CLVS2: variants seen among roughly 807,000 people sequenced by gnomAD.
CLVS2 encodes clavesin 2.
CLVS2 carries 19 observed loss-of-function variants against 29.0 expected under a neutral mutation model. The observed-to-expected ratio is 0.66, with a 90% CI of 0.46 to 0.96. CLVS2 has a LOEUF of 0.96. Among genes scored for constraint, CLVS2 ranks in the 40% least tolerant of loss-of-function variants. The probability of loss-of-function intolerance (pLI) is 0.00; values close to 1 mark genes in which losing one functional copy is unlikely to be tolerated. For missense variants in CLVS2, 294 were observed against 404.1 expected (o/e 0.73, Z 2.34); for synonymous variants, 161 against 151.3 (o/e 1.06, Z -0.47).
At chr6:123,040,273 T>A (rs552130108) in intron 3 of CLVS2, among the ~76,000 whole-genome samples, 2 of 152,336 alleles carry the variant, frequency 1.3e-5, no homozygotes, top group East Asian at 3.9e-4. Flanking sequence ...TTTTTCCCCA[T>A]AATAATTCCT....
intron 4 of CLVS2, among the ~76,000 whole-genome samples, chr6:123,051,935 G>A (rs1001284556): frequency 5.3e-5 from 8 of 152,090 alleles, no homozygotes; most frequent in African/African-American, 1.9e-4. Flanking sequence ...TCCAAAAGTA[G>A]AAACTTAACA....
At chr6:123,012,612 T>A (rs1562164215) in intron 3 of CLVS2, among the ~76,000 whole-genome samples, 1 of 152,008 alleles carries the variant, frequency 6.6e-6, no homozygotes, top group Non-Finnish European at 1.5e-5. Context: ...AATTTGGAGA[T>A]GTTTGGGAGC....
At chr6:123,051,999 G>A (rs1772618013) in intron 4 of CLVS2, among the ~76,000 whole-genome samples, 1 of 152,176 alleles carries the variant, frequency 6.6e-6, no homozygotes, top group Non-Finnish European at 1.5e-5. Context: ...CAATTCACAT[G>A]TAAGAGTTCT....
rs1021097674 is a variant in CLVS2 at position 123,063,852 on chromosome 6, A to G, written c.*91A>G. 2.4e-6 allele frequency: 2 copies of G among 832,594 alleles called. No homozygotes were observed. The highest frequency in any genetic ancestry group is 3.4e-5 in the African/African-American group (2 of 59,012). 51.6% of individuals were successfully genotyped at this position (832,594 alleles called of 1,614,324 possible). On this transcript the variant is annotated 3_prime_UTR_variant, in exon 6 of 6. Coordinates refer to ENST00000275162, the MANE Select transcript of CLVS2 (RefSeq NM_001010852.4). ...CACTGTAGAGGAATTACCAGCTGGA[A>G]ACCGACTTATTCATGTTAATGTAGC...
intron 3 of CLVS2, among the ~76,000 whole-genome samples, chr6:123,013,343 A>G (rs754330953): frequency 1.6e-4 from 24 of 152,080 alleles, no homozygotes; most frequent in Non-Finnish European, 2.5e-4. Context: ...CATCAACACC[A>G]CAACAGTAAT....
chr6:123,072,708 T>C lies in CLVS2; in HGVS notation c.*8947T>C, dbSNP rs929631426. The C allele has an allele frequency of 6.6e-6, 1 of 152,166 alleles. No individual in the cohort carries two copies. The highest frequency in any genetic ancestry group is 6.6e-5 in the Admixed American group (1 of 15,262). 9.4% of individuals were successfully genotyped at this position (152,166 alleles called of 1,614,324 possible). A position where few individuals can be genotyped will look rare whatever the true frequency, so the allele number is the denominator to read the frequency against. Reference sequence around the variant, plus strand: ...TGAATTTTCTTTTCATAATTTTTTATGATTGAATTCTAAGGGTATGTTCCT... The same window carrying C: ...TGAATTTTCTTTTCATAATTTTTTACGATTGAATTCTAAGGGTATGTTCCT... On this transcript the variant is annotated 3_prime_UTR_variant, in exon 6 of 6. Coordinates refer to ENST00000275162, the MANE Select transcript of CLVS2 (RefSeq NM_001010852.4).
chr6:123,006,465 G>T (rs1774670627), intron 2 of CLVS2, among the ~76,000 whole-genome samples: 1 of 152,114 alleles, frequency 6.6e-6, no homozygotes, highest in Admixed American at 6.6e-5. Flanking sequence ...GGAAGAGAAA[G>T]ATGGGAGAGA....
intron 2 of CLVS2, among the ~76,000 whole-genome samples, chr6:123,008,704 G>T (rs1450525389): frequency 6.0e-5 from 9 of 151,026 alleles, no homozygotes; most frequent in Admixed American, 1.3e-4. Flanking sequence ...TTTGGTGGGG[G>T]TCTGAATTTC....
intron 5 of CLVS2, 131 bp downstream of exon 5, chr6:123,056,157 T>C (rs1772690729): frequency 1.6e-6 from 1 of 640,142 alleles, no homozygotes; most frequent in Middle Eastern, 4.1e-4. Flanking sequence ...TGCCCTATGA[T>C]TGTATGTCTA....
rs182264051 is a variant in CLVS2, at chr6:123,047,448, T to A, written c.565-1174T>A. Among the ~76,000 whole-genome samples the A allele has an allele frequency of 8.1e-3, 1,227 of 152,246 alleles. 10 individuals carry two copies. The highest frequency in any genetic ancestry group is 0.011 in the Non-Finnish European group (743 of 68,012). On this transcript the variant is annotated intron_variant, in intron 3 of 5. Coordinates refer to ENST00000275162, the MANE Select transcript of CLVS2 (RefSeq NM_001010852.4). ...CTACTATTGCTTTATAGGGTATTAT[T>A]CTCAGAGGTAGAAGTTGCTTCGCAA...
intron 5 of CLVS2, among the ~76,000 whole-genome samples, chr6:123,058,623 C>T (rs1268623931): frequency 2.0e-5 from 3 of 152,038 alleles, no homozygotes; most frequent in Admixed American, 6.6e-5. Flanking sequence ...ATGAATCAGA[C>T]CATGTCACAT....
intron 5 of CLVS2, among the ~76,000 whole-genome samples, chr6:123,056,641 C>A (rs954955378): frequency 6.6e-6 from 1 of 152,108 alleles, no homozygotes. Context: ...AAATTGTATC[C>A]TGAGAAACCA....
At position 123,056,082 on chromosome 6, in the gene CLVS2, G is replaced by A. The variant is rs1447511704; in HGVS notation, c.896+56G>A. ...GGGCCAGGGCAGGGAGAGGCATCCT[G>A]AGTCAAACTCAAAGCTTTCTGTTTT... On this transcript the variant is annotated intron_variant, in intron 5 of 5. Transcript: ENST00000275162. The A allele has an allele frequency of 6.0e-6, 7 of 1,173,468 alleles. No homozygotes were observed. The East Asian group carries it at 1.7e-4, about 29-fold the overall frequency. The allele number at this position is 1,173,468 out of a possible 1,614,324, so 72.7% of individuals were successfully genotyped here.
At chr6:123,050,170 C>T (rs1436402048) in intron 4 of CLVS2, among the ~76,000 whole-genome samples, 2 of 152,060 alleles carry the variant, frequency 1.3e-5, no homozygotes, top group Non-Finnish European at 2.9e-5. Flanking sequence ...GTTTCTACCA[C>T]CAAGTATTAA....
rs1483350927 is a variant in CLVS2 at position 123,070,572 on chromosome 6, C to T, written c.*6811C>T. 6.6e-6 allele frequency: 1 copy of T among 151,878 alleles called. No homozygotes were observed. Among genetic ancestry groups the T allele is most frequent in the African/African-American group, 2.4e-5 (1 of 41,382 alleles). The allele number at this position is 151,878 out of a possible 1,614,324, so 9.4% of individuals were successfully genotyped here. A position where few individuals can be genotyped will look rare whatever the true frequency, so the allele number is the denominator to read the frequency against. ...CTCAGACCATTTTGTTCTCCAAACC[C>T]TCTGAAAGAGTAAAAGCCGATGTCT... is the stretch of plus-strand genomic sequence containing the variant. On this transcript the variant is annotated 3_prime_UTR_variant, in exon 6 of 6. Coordinates refer to ENST00000275162, the MANE Select transcript of CLVS2 (RefSeq NM_001010852.4).
intron 4 of CLVS2, among the ~76,000 whole-genome samples, chr6:123,049,153 T>C: frequency 6.6e-6 from 1 of 152,222 alleles, no homozygotes; most frequent in East Asian, 1.9e-4. Flanking sequence ...TGGTATCTAA[T>C]ATAATTTTTT....
chr6:123,016,247 A>G (rs1024848691), intron 3 of CLVS2, among the ~76,000 whole-genome samples: 1 of 146,990 alleles, frequency 6.8e-6, no homozygotes, highest in Non-Finnish European at 1.5e-5. Context: ...CGGCTAAGAT[A>G]TCTGCCTGGA....
Position 123,069,373 on chromosome 6 carries a change from C to G in CLVS2, c.*5612C>G, listed in dbSNP as rs765268070. ...TGTGAAATTAAAAAAAAAATTCAGC[C>G]TGATTTGAGAAAGAATGCTTACTCA... On this transcript the variant is annotated 3_prime_UTR_variant, in exon 6 of 6. Transcript: ENST00000275162. 2.0e-5 allele frequency: 3 copies of G among 151,646 alleles called. No homozygotes were observed. The highest frequency in any genetic ancestry group is 4.4e-5 in the Non-Finnish European group (3 of 67,762). The allele number at this position is 151,646 out of a possible 1,614,324, so 9.4% of individuals were successfully genotyped here.
chr6:123,045,936 A>C (rs1772496040), intron 3 of CLVS2, among the ~76,000 whole-genome samples: 1 of 152,172 alleles, frequency 6.6e-6, no homozygotes, highest in Admixed American at 6.5e-5. Flanking sequence ...GATTATACTC[A>C]AAGGGAGGGA....
Sources: allele counts gnomAD v4.1 joint callset (sites outside exome capture counted in the v4.1 genomes callset), GRCh38; gene constraint gnomAD v4.1.1; transcripts MANE v1.5; gene names NCBI Gene and HGNC (gene_info 2026-07-23, HGNC 2026-07-21).